The following DCC variants were observed in gnomAD, a reference collection of about 807,000 sequenced individuals.
DCC encodes DCC netrin 1 receptor.
In DCC, 58 loss-of-function variants were observed where a neutral mutation model predicts 172.5. The ratio of observed to expected loss-of-function variants is 0.34; its 90% CI spans 0.27 to 0.42. DCC has a LOEUF of 0.42. Among genes scored for constraint, DCC ranks in the 10% least tolerant of loss-of-function variants. The probability of loss-of-function intolerance (pLI) is 1.00; values close to 1 mark genes in which losing one functional copy is unlikely to be tolerated. For missense variants in DCC, 1,740 were observed against 1,791.0 expected, an observed-to-expected ratio of 0.97 and a Z score of 0.51; for synonymous variants, 709 against 644.5, an observed-to-expected ratio of 1.10 and a Z score of -1.52.
intron 15 of DCC, 138 bp from the exon 16 acceptor site, chr18:53,385,905 T>C: frequency 1.4e-6 from 1 of 697,418 alleles, no homozygotes; most frequent in Non-Finnish European, 2.6e-6. Context: ...CACTTTCCTT[T>C]CTGAATCCAA....
intron 5 of DCC, among the ~76,000 whole-genome samples, chr18:52,971,841 T>C (rs2041035410): frequency 6.6e-6 from 1 of 152,154 alleles, no homozygotes; most frequent in African/African-American, 2.4e-5. Context: ...GACATTTTGT[T>C]CCTCTTTTCT....
intron 2 of DCC, among the ~76,000 whole-genome samples, chr18:52,781,068 C>G (rs754794187): frequency 6.6e-6 from 1 of 152,054 alleles, no homozygotes; most frequent in Non-Finnish European, 1.5e-5. Context: ...GGGAAAGTGT[C>G]TATTTTTATG....
At chr18:52,997,623 G>A (rs573712244) in intron 5 of DCC, among the ~76,000 whole-genome samples, 9 of 152,170 alleles carry the variant, frequency 5.9e-5, no homozygotes, top group African/African-American at 1.9e-4. Context: ...TGTGCATTGT[G>A]CAGTATGGTA....
intron 12 of DCC, among the ~76,000 whole-genome samples, chr18:53,236,949 T>C (rs1372188489): frequency 6.6e-6 from 1 of 152,074 alleles, no homozygotes; most frequent in African/African-American, 2.4e-5. Flanking sequence ...CCTATGGTAG[T>C]ACCATGTGGT....
At chr18:52,660,100 CT>C (rs1490725359) in intron 1 of DCC, among the ~76,000 whole-genome samples, 1 of 152,108 alleles carries the variant, frequency 6.6e-6, no homozygotes, top group African/African-American at 2.4e-5. Context: ...TAGATTCTCA[CT>C]TCAATGTTCT....
chr18:52,702,712 G>C (rs1343419326), intron 1 of DCC, among the ~76,000 whole-genome samples: 1 of 151,998 alleles, frequency 6.6e-6, no homozygotes, highest in Non-Finnish European at 1.5e-5. Flanking sequence ...AGCTCCCTTG[G>C]CCTTGTGGGG....
chr18:52,977,145 CT>C (rs953509819), intron 5 of DCC, among the ~76,000 whole-genome samples: 3 of 151,460 alleles, frequency 2.0e-5, no homozygotes, highest in African/African-American at 7.3e-5. Flanking sequence ...TTTATGTCAT[CT>C]TTTTTTTTCT....
chr18:52,629,658 T>C (rs1210601647), intron 1 of DCC, among the ~76,000 whole-genome samples: 1 of 151,714 alleles, frequency 6.6e-6, no homozygotes, highest in Non-Finnish European at 1.5e-5. Context: ...CTAATAAAAA[T>C]ACAAAAATTA....
chr18:52,969,582 C>CCTCTCTCTCTCTCTCTCT (rs1555689589), intron 5 of DCC, among the ~76,000 whole-genome samples: 1 of 80,062 alleles, frequency 1.2e-5, no homozygotes, highest in African/African-American at 5.5e-5. Flanking sequence ...GCCCCGCCCC[C>CCTCTCTCTCTCTCTCTCT]CACTCTCTCT....
intron 7 of DCC, among the ~76,000 whole-genome samples, chr18:53,129,634 A>T (rs2043621276): frequency 1.3e-5 from 2 of 151,984 alleles, no homozygotes; most frequent in Non-Finnish European, 2.9e-5. Context: ...TTTGAGGTTC[A>T]TCCATGGTTG....
chr18:53,010,392 A>G (rs1230520016), intron 5 of DCC, among the ~76,000 whole-genome samples: 4 of 151,774 alleles, frequency 2.6e-5, no homozygotes, highest in Non-Finnish European at 5.9e-5. Context: ...CAAGTTTGAA[A>G]CACACCCAAT....
In DCC at chr18:53,309,066, T is replaced by G. The variant is rs560985931; in HGVS notation, c.2053+3347T>G. On this transcript the variant is annotated intron_variant, in intron 13 of 28. Transcript: ENST00000442544. ...TTGTTTTGTTTTTTTGAGACAGGGT[T>G]TTGCTCTCTTACCCAGGCTGGAGTA... 5.3e-5 allele frequency among the ~76,000 whole-genome samples: 8 copies of G among 152,174 alleles called. No individual in the cohort carries two copies. In the East Asian group the frequency reaches 1.4e-3, roughly 26 times the overall value.
intron 1 of DCC, among the ~76,000 whole-genome samples, chr18:52,587,062 G>A (rs377516485): frequency 4.0e-4 from 61 of 152,350 alleles, no homozygotes; most frequent in African/African-American, 1.4e-3. Flanking sequence ...CAAACCCATA[G>A]CCGTAGTAAG....
intron 5 of DCC, among the ~76,000 whole-genome samples, chr18:52,955,394 G>A (rs1300239303): frequency 7.3e-6 from 1 of 136,784 alleles, no homozygotes; most frequent in African/African-American, 2.6e-5. Context: ...TTTTTTTTTT[G>A]GCACCAAATA....
intron 9 of DCC, among the ~76,000 whole-genome samples, chr18:53,180,835 A>G (rs561977486): frequency 1.3e-5 from 2 of 151,916 alleles, no homozygotes; most frequent in East Asian, 1.9e-4. Context: ...CTGGTCTCGA[A>G]CTCCTGACCT....
chr18:53,380,562 A>G (rs1254201560), intron 15 of DCC, among the ~76,000 whole-genome samples: 3 of 152,188 alleles, frequency 2.0e-5, no homozygotes, highest in Non-Finnish European at 4.4e-5. Flanking sequence ...GCAAGAGCAC[A>G]ATACAGAGGC....
At chr18:52,497,280 A>AATATAT (rs1172366771) in intron 1 of DCC, among the ~76,000 whole-genome samples, 6 of 21,524 alleles carry the variant, frequency 2.8e-4, no homozygotes, top group Non-Finnish European at 4.3e-4. Context: ...AAAAAAAAAA[A>AATATAT]ATATATATAT....
chr18:52,840,336 T>G (rs929235446), intron 2 of DCC, among the ~76,000 whole-genome samples: 1 of 152,200 alleles, frequency 6.6e-6, no homozygotes, highest in Non-Finnish European at 1.5e-5. Flanking sequence ...AGTCTCATGG[T>G]CTATCACCAT....
chr18:52,999,946 GC>G (rs2041538718), intron 5 of DCC, among the ~76,000 whole-genome samples: 1 of 151,998 alleles, frequency 6.6e-6, no homozygotes, highest in Non-Finnish European at 1.5e-5. Context: ...ACATAGCCAT[GC>G]AGGGAGAAGG....
Sources: gnomAD v4.1 joint callset for allele counts (sites outside exome capture counted in the v4.1 genomes callset) on GRCh38, gnomAD v4.1.1 for gene constraint, MANE v1.5 for transcripts, NCBI Gene and HGNC (gene_info 2026-07-23, HGNC 2026-07-21) for gene names.